YBEY: variants seen among roughly 807,000 people sequenced by gnomAD.
YBEY encodes the protein endoribonuclease YbeY.
Under a neutral mutation model 13.5 loss-of-function variants are expected in YBEY, and 15 were observed. The ratio of observed to expected loss-of-function variants is 1.11; its 90% CI spans 0.75 to 1.72. The LOEUF (loss-of-function observed/expected upper bound fraction) is 1.72. Among genes scored for constraint, YBEY ranks in the 40% most tolerant of loss-of-function variants. The probability of loss-of-function intolerance (pLI) is 0.00; values close to 1 mark genes in which losing one functional copy is unlikely to be tolerated. For missense variants in YBEY, 244 were observed against 208.4 expected, an observed-to-expected ratio of 1.17 and a Z score of -1.05; for synonymous variants, 101 against 83.1, an observed-to-expected ratio of 1.21 and a Z score of -1.17.
At chr21:46,301,540 C>G (rs2082108516), downstream of YBEY, 1 of 987,704 alleles carries the variant, frequency 1.0e-6, no homozygotes. Context: ...GATGTTCACA[C>G]TTCCATGTGG....
chr21:46,299,128 G>A (rs1318122481), downstream of YBEY, among the ~76,000 whole-genome samples: 3 of 150,604 alleles, frequency 2.0e-5, 1 homozygote, highest in African/African-American at 7.3e-5. Context: ...CACCACACCT[G>A]GCTAATTTTT....
chr21:46,311,482 G>T, the YBEY span: 1 of 1,607,654 alleles, frequency 6.2e-7, no homozygotes, highest in South Asian at 1.1e-5. Context: ...TGACCGTTGA[G>T]TAGGGAAGGC....
chr21:46,312,355 G>A, the YBEY span, among the ~76,000 whole-genome samples: 1 of 151,978 alleles, frequency 6.6e-6, no homozygotes, highest in Non-Finnish European at 1.5e-5. Flanking sequence ...TCTTGCTCTT[G>A]TCGCCCAGGC....
downstream of YBEY, chr21:46,301,304 G>T: frequency 3.5e-6 from 1 of 282,620 alleles, no homozygotes; most frequent in Non-Finnish European, 5.3e-6. Flanking sequence ...ACCACACCTG[G>T]CTAGTTTTTT....
chr21:46,299,734 GCACAATGTGCCCTGAGC>G (rs1249044580), downstream of YBEY, among the ~76,000 whole-genome samples: 1 of 150,924 alleles, frequency 6.6e-6, no homozygotes, highest in African/African-American at 2.5e-5. Flanking sequence ...GTACAGGTGT[GCACAATGTGCCCTGAGC>G]CCCCCCCACC....
At chr21:46,297,753 G>A, downstream of YBEY, 1 of 1,244,084 alleles carries the variant, frequency 8.0e-7, no homozygotes, top group Non-Finnish European at 1.0e-6. Flanking sequence ...TTTCCTTCAC[G>A]TTGCATCGGG....
chr21:46,301,171 C>T (rs911547837), downstream of YBEY: 45 of 772,936 alleles, frequency 5.8e-5, no homozygotes, highest in Non-Finnish European at 6.8e-5. Flanking sequence ...AGACAGGGGC[C>T]TGCTCTGTGG....
chr21:46,287,960 T>C (rs4819223), intron 2 of YBEY, among the ~76,000 whole-genome samples: 61,653 of 150,884 alleles, frequency 0.41, 13,155 homozygotes, highest in Admixed American at 0.48. Flanking sequence ...TGCAGTGAGC[T>C]GAGATCACAC....
At chr21:46,298,798 C>T (rs2082036677), downstream of YBEY, among the ~76,000 whole-genome samples, 1 of 151,828 alleles carries the variant, frequency 6.6e-6, no homozygotes, top group Non-Finnish European at 1.5e-5. Context: ...AGTCTCGGCT[C>T]ACTGTAACCT....
At chr21:46,307,521 C>T in the YBEY span, among the ~76,000 whole-genome samples, 1 of 152,092 alleles carries the variant, frequency 6.6e-6, no homozygotes. Context: ...CTGGAAAAAT[C>T]GACAGGTAAT....
Position 46,297,579 on chromosome 21 carries a change from G to A in YBEY, c.449G>A (p.Arg150Gln), listed in dbSNP as rs61736728. Residue 150 changes from arginine to glutamine, a missense_variant, in exon 5 of 5, where the codon CGA (arginine) becomes CAA (glutamine). Arg to Gln is a conservative substitution (Grantham distance 43). Transcript: ENST00000397701. ...AAGGCGGTGCTGGACGAGCTGGGCCGACGCACGGGGACCCGGCTGCAGCCC... is the reference window on the plus strand; with the variant it reads ...AAGGCGGTGCTGGACGAGCTGGGCCAACGCACGGGGACCCGGCTGCAGCCC... ...KEKAVLDELG[R>Q]RTGTRLQPLT... The A allele has an allele frequency of 2.9e-6, 4 of 1,387,362 alleles. No individual in the cohort carries two copies. Among genetic ancestry groups the A allele is most frequent in the Non-Finnish European group, 3.8e-6 (4 of 1,055,986 alleles). The allele number at this position is 1,387,362 out of a possible 1,614,324, so 85.9% of individuals were successfully genotyped here.
chr21:46,306,498 C>T, the YBEY span, among the ~76,000 whole-genome samples: 5 of 150,948 alleles, frequency 3.3e-5, no homozygotes, highest in Non-Finnish European at 7.4e-5. Context: ...ACTCCCATCT[C>T]GAAAAAAAAA....
At chr21:46,303,708 AATATATAT>A in the YBEY span, among the ~76,000 whole-genome samples, 32 of 37,256 alleles carry the variant, frequency 8.6e-4, no homozygotes, top group African/African-American at 1.5e-3. Context: ...ACACACACAA[AATATATAT>A]ATATATATAT....
chr21:46,301,444 A>T, downstream of YBEY: 1 of 974,916 alleles, frequency 1.0e-6, no homozygotes, highest in South Asian at 4.8e-5. Context: ...ATGCACCCCT[A>T]CTTCTTTAGT....
At chr21:46,290,408 G>A (rs1177471393) in intron 2 of YBEY, among the ~76,000 whole-genome samples, 1 of 152,038 alleles carries the variant, frequency 6.6e-6, no homozygotes, top group Non-Finnish European at 1.5e-5. Context: ...GTTTCACCAT[G>A]TTGGTCAGGC....
chr21:46,287,548 A>G (rs756317645), intron 2 of YBEY, among the ~76,000 whole-genome samples: 2 of 152,230 alleles, frequency 1.3e-5, no homozygotes, highest in South Asian at 2.1e-4. Flanking sequence ...CATGGTGCCT[A>G]TAAGTATATA....
chr21:46,296,144 T>G lies in YBEY; in HGVS notation c.340-18T>G. ...CTGTGGGGTCATCCTCTGAGCCGGT[T>G]TAAAATTATTCTGACAGGTGACGGC... is the stretch of plus-strand genomic sequence containing the variant. On this transcript the variant is annotated intron_variant, in intron 3 of 4. Transcript: ENST00000397701. The G allele has an allele frequency of 6.2e-7, 1 of 1,613,572 alleles. No homozygotes were observed. Among genetic ancestry groups the G allele is most frequent in the Non-Finnish European group, 8.5e-7 (1 of 1,179,974 alleles).
chr21:46,291,798 G>T lies in YBEY; in HGVS notation c.339+336G>T, dbSNP rs1387967179. 5 of 1,083,420 alleles carry T rather than the reference G, an allele frequency of 4.6e-6. No individual in the cohort carries two copies. The African/African-American group carries it at 6.7e-5, about 15-fold the overall frequency. The allele number at this position is 1,083,420 out of a possible 1,614,324, so 67.1% of individuals were successfully genotyped here. ...AGCTGCCAGAAGTACAGAAGTTGGA[G>T]CCTCCACCACCTTCCAGATCTGTTT... On this transcript the variant is annotated intron_variant, in intron 3 of 4. Coordinates refer to ENST00000397701, the MANE Select transcript of YBEY (RefSeq NM_001314025.2).
chr21:46,305,903 C>T, the YBEY span, among the ~76,000 whole-genome samples: 1 of 151,750 alleles, frequency 6.6e-6, no homozygotes, highest in Admixed American at 6.6e-5. Flanking sequence ...GATTGCGCCA[C>T]TGCACTCCAG....
Sources: gnomAD v4.1 joint callset for allele counts (sites outside exome capture counted in the v4.1 genomes callset) on GRCh38, gnomAD v4.1.1 for gene constraint, MANE v1.5 for transcripts, NCBI Gene and HGNC (gene_info 2026-07-23, HGNC 2026-07-21) for gene names.